SNCAIP: variants seen among roughly 807,000 people sequenced by gnomAD.
SNCAIP encodes the protein synphilin-1.
Under a neutral mutation model 86.7 loss-of-function variants are expected in SNCAIP, and 43 were observed. The ratio of observed to expected loss-of-function variants is 0.50; its 90% confidence interval spans 0.39 to 0.64. The LOEUF (loss-of-function observed/expected upper bound fraction) is 0.64, where lower values mean the gene tolerates loss of function less well. Among genes scored for constraint, SNCAIP ranks in the 30% least tolerant of loss-of-function variants. The probability of loss-of-function intolerance (pLI) is 0.00; values close to 1 mark genes in which losing one functional copy is unlikely to be tolerated. For missense variants in SNCAIP, 981 were observed against 1,103.1 expected (o/e 0.89, Z 1.57); for synonymous variants, 417 against 427.2 (o/e 0.98, Z 0.29).
At chr5:122,404,427 T>C (rs1448422434) in intron 3 of SNCAIP, among the ~76,000 whole-genome samples, 2 of 152,192 alleles carry the variant, frequency 1.3e-5, no homozygotes, top group Non-Finnish European at 2.9e-5. Context: ...CGACCTTTTC[T>C]CTTTACACCC....
At chr5:122,365,070 T>A (rs750457289) in intron 1 of SNCAIP, among the ~76,000 whole-genome samples, 1 of 152,134 alleles carries the variant, frequency 6.6e-6, no homozygotes, top group East Asian at 1.9e-4. Context: ...TGATCTCTCT[T>A]CCCCTTGGCT....
intron 1 of SNCAIP, among the ~76,000 whole-genome samples, chr5:122,379,751 G>T (rs1283711523): frequency 2.0e-5 from 3 of 148,508 alleles, no homozygotes; most frequent in Admixed American, 1.3e-4. Flanking sequence ...TAGCATGAAG[G>T]GTTGTTGAAT....
intron 10 of SNCAIP, among the ~76,000 whole-genome samples, chr5:122,458,922 A>C (rs545213900): frequency 6.6e-6 from 1 of 152,326 alleles, no homozygotes. Context: ...TGCCTGGTGC[A>C]TGATAGAGAC....
rs572341134 is a variant in SNCAIP, at chr5:122,448,216, G to A, written c.1593-1629G>A. On this transcript the variant is annotated intron_variant, in intron 8 of 10. Transcript: ENST00000261368. Reference sequence around the variant, plus strand: ...TTATGATATATTTGTTTAGTTACATGTCCTGGCTCGTGAGAGCTGCTGTCA... The same window carrying A: ...TTATGATATATTTGTTTAGTTACATATCCTGGCTCGTGAGAGCTGCTGTCA... Among the ~76,000 whole-genome samples the A allele has an allele frequency of 1.4e-4, 22 of 152,272 alleles. No homozygotes were observed. In the South Asian group the frequency reaches 4.4e-3, roughly 30 times the overall value.
intron 2 of SNCAIP, among the ~76,000 whole-genome samples, chr5:122,397,327 T>A (rs1770827222): frequency 6.6e-6 from 1 of 152,112 alleles, no homozygotes; most frequent in Admixed American, 6.6e-5. Context: ...TATAAGGAGA[T>A]CATTCAATAC....
chr5:122,423,594 A>G lies in SNCAIP; in HGVS notation c.857A>G (p.Gln286Arg). Residue 286 changes from glutamine (Q) to arginine (R), a missense_variant, in exon 4 of 11, where the codon CAA becomes CGA. By Grantham distance (43) the Gln-to-Arg change is conservative. Coordinates refer to ENST00000261368, the MANE Select transcript of SNCAIP (RefSeq NM_005460.4). The part of the protein sequence containing the change: ...PDCQLRAFHL[Q>R]SSAAESKPEE... ...TGCCAGCTCAGGGCCTTCCACCTAC[A>G]ATCCTCAGCAGCAGAATCCAAACCA... is the stretch of plus-strand genomic sequence containing the variant. 1 of 1,614,130 alleles carries G rather than the reference A, an allele frequency of 6.2e-7. No homozygotes were observed. Among genetic ancestry groups the G allele is most frequent in the Non-Finnish European group, 8.5e-7 (1 of 1,180,020 alleles).
intron 3 of SNCAIP, among the ~76,000 whole-genome samples, chr5:122,418,239 C>G (rs1419861771): frequency 4.6e-5 from 7 of 152,196 alleles, no homozygotes; most frequent in Non-Finnish European, 1.0e-4. Flanking sequence ...AATACAAGAG[C>G]TGCTACATAC....
At chr5:122,373,971 G>A (rs908818995) in intron 1 of SNCAIP, among the ~76,000 whole-genome samples, 2 of 152,138 alleles carry the variant, frequency 1.3e-5, no homozygotes, top group Non-Finnish European at 1.5e-5. Flanking sequence ...CAGAATTCTC[G>A]AATGCAGGAA....
chr5:122,416,651 C>T (rs956889076), intron 3 of SNCAIP, among the ~76,000 whole-genome samples: 2 of 152,184 alleles, frequency 1.3e-5, no homozygotes, highest in African/African-American at 4.8e-5. Context: ...ATGCCTTCTT[C>T]CTACTGTCAG....
At chr5:122,452,665 G>A (rs934970860) in intron 10 of SNCAIP, among the ~76,000 whole-genome samples, 2 of 152,086 alleles carry the variant, frequency 1.3e-5, no homozygotes, top group African/African-American at 4.8e-5. Context: ...AGGCATACTC[G>A]TGCCCAAAAC....
chr5:122,337,831 C>T (rs1580479410), intron 1 of SNCAIP, among the ~76,000 whole-genome samples: 2 of 152,318 alleles, frequency 1.3e-5, no homozygotes, highest in African/African-American at 2.4e-5. Flanking sequence ...TGAGCCCCTG[C>T]GCCCTGCCTC....
intron 1 of SNCAIP, among the ~76,000 whole-genome samples, chr5:122,335,782 A>G (rs1756314857): frequency 6.6e-6 from 1 of 152,224 alleles, no homozygotes. Context: ...CCTGGCCTGT[A>G]TAACTCCATG....
At chr5:122,440,182 A>G (rs1451062103) in intron 6 of SNCAIP, among the ~76,000 whole-genome samples, 1 of 152,212 alleles carries the variant, frequency 6.6e-6, no homozygotes, top group East Asian at 1.9e-4. Context: ...TTAAGAGTAG[A>G]AGCTAATTCT....
At position 122,463,505 on chromosome 5, in the gene SNCAIP, A is replaced by G. The variant is rs758809775; in HGVS notation, c.*9A>G. On this transcript the variant is annotated 3_prime_UTR_variant, in exon 11 of 11. Coordinates refer to ENST00000261368, the MANE Select transcript of SNCAIP (RefSeq NM_005460.4). The stretch of plus-strand genomic sequence containing the variant: ...CTTCTGCTTAGGCATAATGACATCA[A>G]TAGAAAAATGAAGAAATCCTACAGC... The G allele has an allele frequency of 4.4e-6, 7 of 1,603,550 alleles. No homozygotes were observed. The highest frequency in any genetic ancestry group is 3.3e-4 in the Middle Eastern group (2 of 6,050).
At chr5:122,317,104 C>T (rs1426783483) in intron 1 of SNCAIP, among the ~76,000 whole-genome samples, 2 of 152,084 alleles carry the variant, frequency 1.3e-5, no homozygotes, top group Admixed American at 1.3e-4. Flanking sequence ...GTAGAGTTTG[C>T]TATAAAGTCC....
intron 2 of SNCAIP, chr5:122,400,997 T>A (rs938124191): frequency 4.0e-5 from 62 of 1,549,194 alleles, no homozygotes; most frequent in Non-Finnish European, 5.2e-5. Context: ...ACAATAGGAG[T>A]CAAGGGAACA....
chr5:122,452,848 C>A, intron 10 of SNCAIP: 1 of 892,164 alleles, frequency 1.1e-6, no homozygotes, highest in Non-Finnish European at 1.8e-6. Context: ...TTCCTGCATG[C>A]TTCATGTTTA....
intron 2 of SNCAIP, among the ~76,000 whole-genome samples, chr5:122,399,966 C>A (rs918692496): frequency 7.2e-5 from 11 of 151,956 alleles, no homozygotes; most frequent in Admixed American, 5.2e-4. Context: ...TACCACTGGT[C>A]CAGAGACCAC....
chr5:122,418,214 G>A (rs1381944755), intron 3 of SNCAIP, among the ~76,000 whole-genome samples: 1 of 152,124 alleles, frequency 6.6e-6, no homozygotes, highest in Non-Finnish European at 1.5e-5. Context: ...AGATGATAAG[G>A]CAAATTAGAA....
Sources: gnomAD v4.1 joint callset for allele counts (sites outside exome capture counted in the v4.1 genomes callset) on GRCh38, gnomAD v4.1.1 for gene constraint, MANE v1.5 for transcripts, NCBI Gene and HGNC (gene_info 2026-07-23, HGNC 2026-07-21) for gene names.